RELN: variants seen among roughly 807,000 people sequenced by gnomAD.
The protein encoded by RELN is reelin.
Under a neutral mutation model 427.6 loss-of-function variants are expected in RELN, and 108 were observed. The observed-to-expected ratio is 0.25, with a 90% CI of 0.22 to 0.30. RELN has a LOEUF of 0.30. Among genes scored for constraint, RELN ranks in the 10% least tolerant of loss-of-function variants. RELN has a pLI of 1.00. For missense variants in RELN, 3,715 were observed against 4,302.8 expected (o/e 0.86, Z 3.82); for synonymous variants, 1,524 against 1,513.4 (o/e 1.01, Z -0.16).
intron 3 of RELN, among the ~76,000 whole-genome samples, chr7:103,817,095 G>A (rs1296567560): frequency 6.6e-5 from 10 of 151,966 alleles, no homozygotes; most frequent in African/African-American, 1.9e-4. Context: ...CAAGTGATCC[G>A]CCCGCTTTGG....
intron 3 of RELN, among the ~76,000 whole-genome samples, chr7:103,818,031 G>A (rs7808351): frequency 0.44 from 66,129 of 150,696 alleles, 15,250 homozygotes; most frequent in South Asian, 0.56. Context: ...AGATCAATAT[G>A]CAGGCACAAT....
At chr7:103,736,514 A>G (rs1790496164) in intron 6 of RELN, among the ~76,000 whole-genome samples, 2 of 152,136 alleles carry the variant, frequency 1.3e-5, no homozygotes, top group African/African-American at 2.4e-5. Context: ...ATTCTTTCTC[A>G]TTACTTTTCA....
At chr7:103,639,362 C>T (rs1274249954) in intron 17 of RELN, among the ~76,000 whole-genome samples, 1 of 151,600 alleles carries the variant, frequency 6.6e-6, no homozygotes, top group Non-Finnish European at 1.5e-5. Context: ...TCAACAAGCG[C>T]TTGGCTCATA....
chr7:103,617,648 T>C (rs566373317), intron 20 of RELN, among the ~76,000 whole-genome samples: 1 of 151,680 alleles, frequency 6.6e-6, no homozygotes, highest in South Asian at 2.1e-4. Context: ...TACATGTGTG[T>C]ATATATACAT....
At position 103,514,278 on chromosome 7, in the gene RELN, T is replaced by C. The variant is rs2711857; in HGVS notation, c.8119+907A>G. On this transcript the variant is annotated intron_variant, in intron 50 of 64. Coordinates refer to ENST00000428762, the MANE Select transcript of RELN (RefSeq NM_005045.4). ...CATGTAGTATAACAAATATGTGGCA[T>C]GGCAAAGATACATACTTAATATAAG... 6.5e-3 allele frequency among the ~76,000 whole-genome samples: 984 copies of C among 152,328 alleles called. 13 individuals carry two copies. The highest frequency in any genetic ancestry group is 0.022 in the African/African-American group (896 of 41,570).
intron 2 of RELN, among the ~76,000 whole-genome samples, chr7:103,907,062 T>C (rs1229862460): frequency 1.3e-5 from 2 of 152,096 alleles, no homozygotes; most frequent in African/African-American, 4.8e-5. Flanking sequence ...ATTATTCATC[T>C]ATAAAAAGAA....
intron 5 of RELN, among the ~76,000 whole-genome samples, chr7:103,750,764 T>A (rs1790978927): frequency 6.6e-6 from 1 of 152,212 alleles, no homozygotes; most frequent in South Asian, 2.1e-4. Flanking sequence ...CAGAACTGCA[T>A]AAGAGAATTT....
chr7:103,928,078 G>A (rs1274043388), intron 1 of RELN, among the ~76,000 whole-genome samples: 2 of 152,084 alleles, frequency 1.3e-5, no homozygotes, highest in African/African-American at 4.8e-5. Context: ...ACCAGAGCTG[G>A]ATGAAAGGCA....
intron 43 of RELN, among the ~76,000 whole-genome samples, chr7:103,541,706 A>G (rs1178001866): frequency 6.6e-6 from 1 of 152,246 alleles, no homozygotes; most frequent in African/African-American, 2.4e-5. Context: ...TAACTTAGTG[A>G]TAGATAAACC....
chr7:103,880,861 T>C (rs1380975140), intron 2 of RELN, among the ~76,000 whole-genome samples: 1 of 152,020 alleles, frequency 6.6e-6, no homozygotes, highest in Admixed American at 6.6e-5. Flanking sequence ...CGCAGCTAAT[T>C]TTTTTTCTAG....
At chr7:103,571,753 T>A (rs1288486112) in intron 31 of RELN, among the ~76,000 whole-genome samples, 1 of 152,212 alleles carries the variant, frequency 6.6e-6, no homozygotes, top group Non-Finnish European at 1.5e-5. Flanking sequence ...CTGCTCCTCC[T>A]ACACAAGGAT....
At chr7:103,913,370 A>G (rs1405356155) in intron 2 of RELN, among the ~76,000 whole-genome samples, 1 of 152,208 alleles carries the variant, frequency 6.6e-6, no homozygotes, top group Non-Finnish European at 1.5e-5. Context: ...TGTCACAGCT[A>G]GTTAAACATA....
intron 3 of RELN, among the ~76,000 whole-genome samples, chr7:103,818,563 A>G (rs888635140): frequency 1.3e-5 from 2 of 152,178 alleles, no homozygotes; most frequent in Non-Finnish European, 2.9e-5. Flanking sequence ...TTAGCTTTTA[A>G]TTTTATCAGG....
intron 20 of RELN, among the ~76,000 whole-genome samples, chr7:103,623,168 CA>C (rs1832256166): frequency 6.6e-6 from 1 of 152,196 alleles, no homozygotes; most frequent in Non-Finnish European, 1.5e-5. Flanking sequence ...ATTTGCCACT[CA>C]ATGTATTTAC....
chr7:103,939,229 G>A (rs1796057525), intron 1 of RELN, among the ~76,000 whole-genome samples: 1 of 152,090 alleles, frequency 6.6e-6, no homozygotes, highest in Non-Finnish European at 1.5e-5. Context: ...GATTACAGGT[G>A]TGAGCCACTG....
At chr7:103,848,112 T>G (rs1298698767) in intron 2 of RELN, among the ~76,000 whole-genome samples, 1 of 152,202 alleles carries the variant, frequency 6.6e-6, no homozygotes, top group Admixed American at 6.5e-5. Context: ...AGATCCTGTT[T>G]CTACATACAG....
In RELN at chr7:103,557,137, A is replaced by G. The variant is rs773305849; in HGVS notation, c.5637T>C (p.Ser1879=). The G allele has an allele frequency of 1.9e-6, 3 of 1,613,570 alleles. 1 individual carries two copies. Among genetic ancestry groups the G allele is most frequent in the South Asian group, 1.1e-5 (1 of 91,066 alleles). ...CACTGATGGAGAATTGTAACAGAAT[A>G]GAGTGAGATCTCTCTGGGGTACCTA... The part of the protein sequence containing the change: ...IAKSTPERSH[S]ILLQFSISGG... The change falls in exon 38 of 65, where the codon TCT becomes TCC. Residue 1879 remains serine, a synonymous_variant. Coordinates refer to ENST00000428762, the MANE Select transcript of RELN (RefSeq NM_005045.4).
intron 27 of RELN, among the ~76,000 whole-genome samples, chr7:103,593,117 A>G (rs1236073819): frequency 6.6e-6 from 1 of 152,214 alleles, no homozygotes; most frequent in Non-Finnish European, 1.5e-5. Context: ...GGATTTTATT[A>G]TAAACACAAT....
rs1183899119 is a variant in RELN at position 103,557,993 on chromosome 7, G to C, written c.5586C>G (p.Val1862=). 1 of 1,470,204 alleles carries C rather than the reference G, an allele frequency of 6.8e-7. No individual in the cohort carries two copies. Among genetic ancestry groups the C allele is most frequent in the South Asian group, 1.1e-5 (1 of 87,954 alleles). 91.1% of individuals were successfully genotyped at this position (1,470,204 alleles called of 1,614,324 possible). A position where few individuals can be genotyped will look rare whatever the true frequency, so the allele number is the denominator to read the frequency against. The stretch of plus-strand genomic sequence containing the variant: ...TTGCTATAAATCTAAGTGAAAACTG[G>C]ACATACATTGTATTTGTACAATCTA... The part of the protein sequence containing the change: ...RDLDCTNTMY[V]QFSLRFIAKS... The change falls in exon 37 of 65, where the codon GTC becomes GTG. Residue 1862 remains valine, a synonymous_variant. Transcript: ENST00000428762.
Sources: gnomAD v4.1 joint callset for allele counts (sites outside exome capture counted in the v4.1 genomes callset) on GRCh38, gnomAD v4.1.1 for gene constraint, MANE v1.5 for transcripts, NCBI Gene and HGNC (gene_info 2026-07-23, HGNC 2026-07-21) for gene names.